CCT8: variants seen among roughly 807,000 people sequenced by gnomAD.
CCT8 encodes the protein chaperonin containing TCP1 subunit 8.
In CCT8, 10 loss-of-function variants were observed where a neutral mutation model predicts 65.7. The ratio of observed to expected loss-of-function variants is 0.15; its 90% CI spans 0.09 to 0.26. The LOEUF (loss-of-function observed/expected upper bound fraction) is 0.26, where lower values mean the gene tolerates loss of function less well. Among genes scored for constraint, CCT8 ranks in the 10% least tolerant of loss-of-function variants. CCT8 has a pLI of 1.00. For missense variants in CCT8, 568 were observed against 669.1 expected (o/e 0.85, Z 1.67); for synonymous variants, 199 against 221.8 (o/e 0.90, Z 0.92).
chr21:29,062,674 T>C (rs1198725244), intron 8 of CCT8, 118 bp from the exon 9 acceptor site: 6 of 769,248 alleles, frequency 7.8e-6, no homozygotes, highest in Non-Finnish European at 8.4e-6. Flanking sequence ...TGACAATGGA[T>C]TTTAACTCAG....
Position 29,062,669 on chromosome 21 carries a change from A to G in CCT8, c.942-113T>C, listed in dbSNP as rs189177098. The G allele has an allele frequency of 1.1e-4, 85 of 793,534 alleles. No individual in the cohort carries two copies. The East Asian group carries it at 2.3e-3, about 21-fold the overall frequency. The allele number at this position is 793,534 out of a possible 1,614,324, so 49.2% of individuals were successfully genotyped here. A position where few individuals can be genotyped will look rare whatever the true frequency, so the allele number is the denominator to read the frequency against. The stretch of plus-strand genomic sequence containing the variant: ...GCCCCCATGTCACATTCCTTTGACA[A>G]TGGATTTTAACTCAGAACATGTCTG... On this transcript the variant is annotated intron_variant, in intron 8 of 14. Transcript: ENST00000286788.
rs529993964 is a variant in CCT8 at position 29,057,785 on chromosome 21, ATATG to A, written c.1570-1237_1570-1234del. Among the ~76,000 whole-genome samples, 1,032 of 139,022 alleles carry A rather than the reference ATATG, an allele frequency of 7.4e-3. 9 individuals are homozygous for A. The highest frequency in any genetic ancestry group is 0.026 in the African/African-American group (986 of 38,028). 91.2% of individuals were successfully genotyped at this position (139,022 alleles called of 152,430 possible). A position where few individuals can be genotyped will look rare whatever the true frequency, so the allele number is the denominator to read the frequency against. ...ATGAGATATATATGATATATATGAG[ATATG>A]TATGATATATACATATGTATGATAT... On this transcript the variant is annotated intron_variant, in intron 14 of 14. Transcript: ENST00000286788.
At position 29,069,490 on chromosome 21, in the gene CCT8, A is replaced by G. The variant is rs1022125574; in HGVS notation, c.164T>C (p.Met55Thr). 1 of 1,564,144 alleles carries G rather than the reference A, an allele frequency of 6.4e-7. No individual in the cohort carries two copies. Among genetic ancestry groups the G allele is most frequent in the Non-Finnish European group, 8.6e-7 (1 of 1,156,822 alleles). Residue 55 changes from methionine to threonine, a missense_variant, in exon 3 of 15, where the codon ATG (methionine) becomes ACG (threonine). Physicochemically the swap from Met to Thr is moderately conservative, Grantham distance 81. Coordinates refer to ENST00000286788, the MANE Select transcript of CCT8 (RefSeq NM_006585.4). ...CAACTTCTCCAAGTGGTTGATAACC[A>G]TTTTGTTCATTCCTCAAAAGTAACA... ...TAYGPNGMNK[M>T]VINHLEKLFV...
At chr21:29,069,635 C>G (rs1196052172) in intron 2 of CCT8, 133 bp from the exon 3 acceptor site, 1 of 530,282 alleles carries the variant, frequency 1.9e-6, no homozygotes, top group African/African-American at 2.0e-5. Context: ...AAAACACATA[C>G]TATCTATTCT....
In CCT8 at chr21:29,067,670, A is replaced by G. The variant is rs962356769; in HGVS notation, c.267T>C (p.Ala89=). 3 of 1,364,056 alleles carry G rather than the reference A, an allele frequency of 2.2e-6. No individual in the cohort carries two copies. Among genetic ancestry groups the G allele is most frequent in the African/African-American group, 3.0e-5 (2 of 66,844 alleles). The allele number at this position is 1,364,056 out of a possible 1,614,324, so 84.5% of individuals were successfully genotyped here. A position where few individuals can be genotyped will look rare whatever the true frequency, so the allele number is the denominator to read the frequency against. The part of the protein sequence containing the change: ...QHPAAKMIVM[A]SHMQEQEVGD... ...CAACTTCTTGCTCTTGCATATGAGA[A>G]GCCATTACAATCATTTTTGCAGCAG... Residue 89 remains alanine (A), a synonymous_variant, in exon 4 of 15, where the codon GCT becomes GCC. Transcript: ENST00000286788.
At chr21:29,073,263 C>CA in intron 1 of CCT8, 1 of 1,328,456 alleles carries the variant, frequency 7.5e-7, no homozygotes, top group Admixed American at 3.2e-5. Context: ...AACGCACGCG[C>CA]GGCTTCACAT....
chr21:29,073,115 T>A, intron 1 of CCT8: 1 of 287,560 alleles, frequency 3.5e-6, no homozygotes, highest in Non-Finnish European at 5.4e-6. Context: ...TTCTCGTTCT[T>A]CCCCATCCTA....
intron 14 of CCT8, among the ~76,000 whole-genome samples, chr21:29,059,005 C>T (rs2085534285): frequency 6.6e-6 from 1 of 152,162 alleles, no homozygotes; most frequent in Non-Finnish European, 1.5e-5. Flanking sequence ...CCTTCAACTC[C>T]TGGGCTCAAG....
rs755999088 is a variant in CCT8, at chr21:29,065,055, C to T, written c.675G>A (p.Lys225=). The change falls in exon 7 of 15, where the codon AAG becomes AAA. Residue 225 remains lysine, a synonymous_variant. Transcript: ENST00000286788. ...SSVLHGMVFK[K]ETEGDVTSVK... is the part of the protein sequence containing the mutation. Reference sequence around the variant, plus strand: ...CAGATGTTACATCACCTTCGGTTTCCTTCTTAAAAACCATGCCATGCAATA... The same window carrying T: ...CAGATGTTACATCACCTTCGGTTTCTTTCTTAAAAACCATGCCATGCAATA... The T allele has an allele frequency of 6.2e-7, 1 of 1,613,844 alleles. No individual in the cohort carries two copies. The highest frequency in any genetic ancestry group is 8.5e-7 in the Non-Finnish European group (1 of 1,179,872).
chr21:29,068,651 G>C (rs1017528600), intron 3 of CCT8, among the ~76,000 whole-genome samples: 1 of 152,094 alleles, frequency 6.6e-6, no homozygotes, highest in South Asian at 2.1e-4. Context: ...TTTTAGTAGA[G>C]ATGGGGTTTC....
At chr21:29,062,799 T>C (rs574889043) in intron 8 of CCT8, 49 of 519,926 alleles carry the variant, frequency 9.4e-5, no homozygotes, top group Non-Finnish European at 1.4e-4. Flanking sequence ...GGCATTGTTC[T>C]AGAATTGGGA....
intron 4 of CCT8, 115 bp downstream of exon 4, chr21:29,067,441 G>C (rs1716864459): frequency 1.3e-6 from 1 of 768,150 alleles, no homozygotes; most frequent in Non-Finnish European, 1.9e-6. Context: ...CTGGTACAGA[G>C]CAAACTGCTC....
intron 1 of CCT8, among the ~76,000 whole-genome samples, chr21:29,071,378 A>C (rs1237697436): frequency 6.6e-6 from 1 of 152,070 alleles, no homozygotes; most frequent in Non-Finnish European, 1.5e-5. Flanking sequence ...AACCAAGGTT[A>C]ATAGCCATTA....
Position 29,073,620 on chromosome 21 carries a change from C to T in CCT8, c.-30G>A. ...AGCCTGCAGGAAGCAGTTCACGCGA[C>T]CGCTCGGAAGACCGCGGAGGAAGCG... On this transcript the variant is annotated 5_prime_UTR_variant, in exon 1 of 15. Coordinates refer to ENST00000286788, the MANE Select transcript of CCT8 (RefSeq NM_006585.4). 1 of 1,610,942 alleles carries T rather than the reference C, an allele frequency of 6.2e-7. No individual in the cohort carries two copies. Among genetic ancestry groups the T allele is most frequent in the Non-Finnish European group, 8.5e-7 (1 of 1,177,510 alleles).
intron 14 of CCT8, chr21:29,058,327 G>C (rs1162564627): frequency 1.3e-5 from 2 of 152,080 alleles, no homozygotes; most frequent in Non-Finnish European, 2.9e-5. Flanking sequence ...TGTAGTCCCA[G>C]CTACTCGGGA....
intron 1 of CCT8, chr21:29,073,181 C>T: frequency 1.2e-6 from 1 of 836,776 alleles, no homozygotes; most frequent in Non-Finnish European, 1.5e-6. Flanking sequence ...ATTTCATCTA[C>T]GTTATTCAAT....
chr21:29,060,239 G>T (rs1188252913), intron 14 of CCT8: 5 of 188,564 alleles, frequency 2.7e-5, no homozygotes, highest in Non-Finnish European at 4.3e-5. Flanking sequence ...CAAGCTGGTG[G>T]TCTGCAATGT....
intron 7 of CCT8, among the ~76,000 whole-genome samples, chr21:29,064,409 T>TAAAAAAAAAAAAAAAAA (rs34760776): frequency 6.0e-4 from 16 of 26,718 alleles, no homozygotes; most frequent in African/African-American, 1.2e-3. Flanking sequence ...AGCAAGACTC[T>TAAAAAAAAAAAAAAAAA]AAAAAAAAAA....
chr21:29,072,037 C>G, intron 1 of CCT8: 2 of 692,932 alleles, frequency 2.9e-6, no homozygotes, highest in Non-Finnish European at 5.2e-6. Flanking sequence ...AAAATCATTC[C>G]TTCCTCAGGG....
Sources: gnomAD v4.1 joint callset for allele counts (sites outside exome capture counted in the v4.1 genomes callset) on GRCh38, gnomAD v4.1.1 for gene constraint, MANE v1.5 for transcripts, NCBI Gene and HGNC (gene_info 2026-07-23, HGNC 2026-07-21) for gene names.